The following TPP2 variants were observed in gnomAD, a reference collection of about 807,000 sequenced individuals.
The protein encoded by TPP2 is tripeptidyl-peptidase 2.
TPP2 carries 34 observed loss-of-function variants against 155.9 expected under a neutral mutation model. The observed-to-expected ratio is 0.22, with a 90% CI of 0.17 to 0.29. The LOEUF (loss-of-function observed/expected upper bound fraction) is 0.29. Ranked by LOEUF, TPP2 falls within the 10% of genes least tolerant of loss-of-function variation. TPP2 has a pLI of 1.00. For missense variants in TPP2, 1,028 were observed against 1,522.3 expected (o/e 0.68, Z 5.40); for synonymous variants, 510 against 529.4 (o/e 0.96, Z 0.50).
At chr13:102,631,616 C>T (rs948268842) in intron 10 of TPP2, 1 of 152,214 alleles carries the variant, frequency 6.6e-6, no homozygotes, top group African/African-American at 2.4e-5. Flanking sequence ...TTTGCCGATA[C>T]TCGCCATAGA....
intron 7 of TPP2, 143 bp downstream of exon 7, chr13:102,627,309 C>A (rs1254225317): frequency 9.7e-6 from 6 of 617,806 alleles, no homozygotes; most frequent in African/African-American, 9.6e-5. Context: ...AAAATATTTA[C>A]TAATTTATTT....
intron 14 of TPP2, 30 bp from the exon 15 acceptor site, chr13:102,638,209 A>T (rs1324708926): frequency 1.9e-6 from 3 of 1,592,988 alleles, no homozygotes; most frequent in Non-Finnish European, 2.6e-6. Context: ...TTGTTTATGG[A>T]TATTGACACT....
chr13:102,645,248 C>T (rs996335348), intron 19 of TPP2, among the ~76,000 whole-genome samples: 1 of 152,170 alleles, frequency 6.6e-6, no homozygotes, highest in Non-Finnish European at 1.5e-5. Context: ...TAGTTAGGAT[C>T]AGTGGACATT....
Position 102,649,495 on chromosome 13 carries a change from T to TAAA in TPP2, c.2952+10_2952+11insAAA. 1 of 1,600,684 alleles carries TAAA rather than the reference T, an allele frequency of 6.2e-7. No individual in the cohort carries two copies. Among genetic ancestry groups the TAAA allele is most frequent in the Non-Finnish European group, 8.5e-7 (1 of 1,175,444 alleles). On this transcript the variant is annotated intron_variant, in intron 23 of 29. Transcript: ENST00000376052. ...AACTAGGAAAGAAAGCTGTAAGTAT[T>TAAA]AGTTTTTTAAACACTGAAATTACCT... is the stretch of plus-strand genomic sequence containing the variant.
intron 5 of TPP2, among the ~76,000 whole-genome samples, chr13:102,619,850 A>T (rs1190938060): frequency 2.6e-5 from 4 of 152,182 alleles, no homozygotes; most frequent in African/African-American, 9.7e-5. Flanking sequence ...TATTTTCCAG[A>T]GGCTTTATAC....
At chr13:102,652,392 A>G (rs1883557563) in intron 24 of TPP2, among the ~76,000 whole-genome samples, 1 of 52,482 alleles carries the variant, frequency 1.9e-5, no homozygotes, top group East Asian at 5.5e-4. Flanking sequence ...AACAAAACAT[A>G]CATACATATA....
At chr13:102,604,954 T>C in intron 2 of TPP2, 33 bp downstream of exon 2, 2 of 1,599,404 alleles carry the variant, frequency 1.3e-6, no homozygotes, top group Non-Finnish European at 1.7e-6. Flanking sequence ...TGAATTTTTT[T>C]TTTTTTACTC....
intron 4 of TPP2, 127 bp from the exon 5 acceptor site, chr13:102,618,595 A>AT: frequency 7.1e-6 from 9 of 1,272,292 alleles, no homozygotes; most frequent in Non-Finnish European, 9.5e-6. Flanking sequence ...ATAGAACAAA[A>AT]TTTTCTTACA....
intron 27 of TPP2, among the ~76,000 whole-genome samples, chr13:102,668,560 T>A (rs1455290214): frequency 6.6e-6 from 1 of 152,212 alleles, no homozygotes; most frequent in Admixed American, 6.5e-5. Flanking sequence ...CAGTCCAATG[T>A]GTGCTGTTAC....
At chr13:102,638,516 C>T (rs1220356729) in intron 15 of TPP2, among the ~76,000 whole-genome samples, 4 of 152,154 alleles carry the variant, frequency 2.6e-5, no homozygotes, top group Non-Finnish European at 5.9e-5. Context: ...ACTGATGGCA[C>T]CTGGCATCTG....
At chr13:102,672,202 G>T (rs552531626) in intron 27 of TPP2, among the ~76,000 whole-genome samples, 1 of 152,290 alleles carries the variant, frequency 6.6e-6, no homozygotes, top group South Asian at 2.1e-4. Context: ...CGGCACTAGG[G>T]GCCGAAGAGA....
At chr13:102,638,453 A>G in intron 15 of TPP2, 138 bp downstream of exon 15, 1 of 899,306 alleles carries the variant, frequency 1.1e-6, no homozygotes, top group East Asian at 2.6e-5. Flanking sequence ...CCCAGCTAGC[A>G]TTTTTAGGTG....
chr13:102,647,059 C>A, intron 20 of TPP2, 148 bp from the exon 21 acceptor site: 2 of 898,808 alleles, frequency 2.2e-6, no homozygotes, highest in Non-Finnish European at 3.2e-6. Flanking sequence ...TGCTAAAATA[C>A]TGTGTGTTCT....
At chr13:102,670,581 G>T (rs529916597) in intron 27 of TPP2, among the ~76,000 whole-genome samples, 1 of 152,298 alleles carries the variant, frequency 6.6e-6, no homozygotes, top group East Asian at 1.9e-4. Flanking sequence ...TCGTGGGTCT[G>T]TGCAATCCTG....
intron 2 of TPP2, among the ~76,000 whole-genome samples, chr13:102,613,475 T>G (rs530080496): frequency 6.6e-6 from 1 of 152,362 alleles, no homozygotes. Flanking sequence ...TCATGTTGGT[T>G]GATGCTCAGT....
intron 20 of TPP2, 137 bp from the exon 21 acceptor site, chr13:102,647,070 A>G (rs1883157145): frequency 9.0e-6 from 10 of 1,116,792 alleles, no homozygotes; most frequent in Non-Finnish European, 1.2e-5. Context: ...TGTGTGTTCT[A>G]TATTTTCAAA....
At chr13:102,663,571 A>C in intron 25 of TPP2, 77 bp from the exon 26 acceptor site, 1 of 1,016,588 alleles carries the variant, frequency 9.8e-7, no homozygotes, top group Non-Finnish European at 1.4e-6. Flanking sequence ...ACTTCCAAAC[A>C]ATGTTAAATA....
chr13:102,614,132 A>C lies in TPP2; in HGVS notation c.326A>C (p.Lys109Thr). 6.2e-7 allele frequency: 1 copy of C among 1,613,622 alleles called. No homozygotes were observed. The highest frequency in any genetic ancestry group is 2.2e-5 in the East Asian group (1 of 44,804). Residue 109 changes from lysine to threonine, a missense_variant, in exon 3 of 30, where the codon AAA becomes ACA. Coordinates refer to ENST00000376052, the MANE Select transcript of TPP2 (RefSeq NM_001330588.2). ...IPASWTNPSG[K>T]YHIGIKNGYD... is the part of the protein sequence containing the mutation. ...GCAAGCTGGACAAATCCCTCAGGCA[A>C]ATATCATATTGGCATAAAAAATGGC... is the stretch of plus-strand genomic sequence containing the variant.
intron 2 of TPP2, among the ~76,000 whole-genome samples, chr13:102,607,323 C>T (rs1406982468): frequency 6.6e-6 from 1 of 152,186 alleles, no homozygotes; most frequent in Admixed American, 6.5e-5. Flanking sequence ...CCGAAATGCT[C>T]CAAAATCCAG....
Sources: allele counts gnomAD v4.1 joint callset (sites outside exome capture counted in the v4.1 genomes callset), GRCh38; gene constraint gnomAD v4.1.1; transcripts MANE v1.5; gene names NCBI Gene and HGNC (gene_info 2026-07-23, HGNC 2026-07-21).